WWC2: variants seen among roughly 807,000 people sequenced by gnomAD.
WWC2 encodes the protein protein WWC2.
A neutral mutation model predicts 138.5 loss-of-function variants in WWC2; 101 were observed. The observed-to-expected ratio is 0.73, with a 90% CI of 0.62 to 0.86. WWC2 has a LOEUF of 0.86. Ranked by LOEUF, WWC2 falls within the 40% of genes least tolerant of loss-of-function variation. The pLI, the probability that WWC2 is intolerant of heterozygous loss-of-function variation, is 0.00. For synonymous variants in WWC2, 558 were observed against 538.4 expected (o/e 1.04, Z -0.50); for missense variants, 1,420 against 1,419.4 (o/e 1.00, Z -0.01).
chr4:183,236,705 G>A lies in WWC2; in HGVS notation c.523-3478G>A, dbSNP rs536072419. On this transcript the variant is annotated intron_variant, in intron 4 of 22. Transcript: ENST00000403733. ...GTTTGCTTTAACAATTTGAAGTCAG[G>A]TAATGTGATTCAGTTTTGCTATTTT... is the stretch of plus-strand genomic sequence containing the variant. Among the ~76,000 whole-genome samples the A allele has an allele frequency of 3.9e-5, 6 of 152,260 alleles. No individual in the cohort carries two copies. The South Asian group carries it at 1.2e-3, about 32-fold the overall frequency.
intron 1 of WWC2, among the ~76,000 whole-genome samples, chr4:183,161,471 G>T (rs1434959479): frequency 6.6e-6 from 1 of 152,196 alleles, no homozygotes; most frequent in Non-Finnish European, 1.5e-5. Context: ...TGAGTAATGT[G>T]TGTGCAGTAT....
chr4:183,286,385 G>A (rs1350626169), intron 20 of WWC2, among the ~76,000 whole-genome samples: 2 of 152,172 alleles, frequency 1.3e-5, no homozygotes, highest in South Asian at 2.1e-4. Context: ...TGCATACCAT[G>A]TCCAGGTCTT....
intron 4 of WWC2, among the ~76,000 whole-genome samples, chr4:183,219,999 T>G (rs1008481067): frequency 6.6e-6 from 1 of 152,126 alleles, no homozygotes; most frequent in African/African-American, 2.4e-5. Context: ...TCTGGCTGGT[T>G]GTAGGGGAGG....
chr4:183,249,832 A>G, intron 7 of WWC2, 88 bp from the exon 8 acceptor site: 1 of 1,081,282 alleles, frequency 9.2e-7, no homozygotes, highest in Non-Finnish European at 1.4e-6. Context: ...TTAACTTTTC[A>G]ATTACACATA....
chr4:183,261,236 A>C lies in WWC2; in HGVS notation c.1613A>C (p.Glu538Ala). ...AATGHTPPLA[E>A]APKSVASLSS... ...ACAGGCCACACTCCTCCACTGGCTGAGGCCCCGAAGTCTGTGGCCTCCCTG... is the reference window on the plus strand; with the variant it reads ...ACAGGCCACACTCCTCCACTGGCTGCGGCCCCGAAGTCTGTGGCCTCCCTG... Residue 538 changes from glutamate to alanine, a missense_variant, in exon 11 of 23, where the codon GAG becomes GCG. Physicochemically the swap from Glu to Ala is moderately radical, Grantham distance 107. Coordinates refer to ENST00000403733, the MANE Select transcript of WWC2 (RefSeq NM_024949.6). The C allele has an allele frequency of 6.2e-7, 1 of 1,612,882 alleles. No individual in the cohort carries two copies. Among genetic ancestry groups the C allele is most frequent in the Non-Finnish European group, 8.5e-7 (1 of 1,179,498 alleles).
chr4:183,228,204 G>C (rs987985971), intron 4 of WWC2, among the ~76,000 whole-genome samples: 5 of 152,028 alleles, frequency 3.3e-5, no homozygotes, highest in Non-Finnish European at 7.4e-5. Flanking sequence ...TGTCAGAAGT[G>C]ATAGATTTTA....
At chr4:183,148,478 T>C (rs930220543) in intron 1 of WWC2, among the ~76,000 whole-genome samples, 3 of 152,242 alleles carry the variant, frequency 2.0e-5, no homozygotes, top group Non-Finnish European at 4.4e-5. Flanking sequence ...CTTGTTAAGC[T>C]ATCTTAATGT....
At chr4:183,172,556 G>GTTTTTTTTTTTTTTTTTTTTTTTTT (rs61599876) in intron 1 of WWC2, among the ~76,000 whole-genome samples, 1 of 113,050 alleles carries the variant, frequency 8.8e-6, no homozygotes, top group Non-Finnish European at 1.8e-5. Context: ...TATGTTTCTT[G>GTTTTTTTTTTTTTTTTTTTTTTTTT]TTTTTTTTTT....
intron 4 of WWC2, among the ~76,000 whole-genome samples, chr4:183,220,453 T>C (rs1448459147): frequency 2.0e-5 from 3 of 151,916 alleles, no homozygotes; most frequent in African/African-American, 7.3e-5. Context: ...CTTTATTAAC[T>C]TGTGGGCCAT....
intron 1 of WWC2, among the ~76,000 whole-genome samples, chr4:183,191,479 A>G (rs1291953041): frequency 6.6e-6 from 1 of 152,132 alleles, no homozygotes; most frequent in Non-Finnish European, 1.5e-5. Flanking sequence ...CTTAAAAAAT[A>G]CATTAGGAAG....
chr4:183,266,471 G>A (rs529732226), intron 14 of WWC2, among the ~76,000 whole-genome samples: 2 of 152,300 alleles, frequency 1.3e-5, no homozygotes, highest in East Asian at 3.9e-4. Context: ...TCCCAACAAA[G>A]TGATGACATA....
intron 8 of WWC2, among the ~76,000 whole-genome samples, 180 bp downstream of exon 8, chr4:183,250,173 A>AC (rs1167012318): frequency 8.5e-4 from 37 of 43,568 alleles, no homozygotes; most frequent in Non-Finnish European, 1.4e-3. Context: ...CCCGCCCTCC[A>AC]CCCCCCAACC....
At chr4:183,229,942 A>C (rs1736192987) in intron 4 of WWC2, among the ~76,000 whole-genome samples, 1 of 152,002 alleles carries the variant, frequency 6.6e-6, no homozygotes, top group Non-Finnish European at 1.5e-5. Flanking sequence ...CTCCCACCTC[A>C]GCTTCCTGAG....
intron 16 of WWC2, among the ~76,000 whole-genome samples, chr4:183,277,354 C>T (rs1293187121): frequency 3.2e-4 from 49 of 151,548 alleles, no homozygotes; most frequent in Admixed American, 2.6e-3. Flanking sequence ...TGTATATGTG[C>T]CACATTTTCT....
chr4:183,099,746 G>A (rs1743103612), intron 1 of WWC2, 124 bp downstream of exon 1: 1 of 1,012,318 alleles, frequency 9.9e-7, no homozygotes, highest in Non-Finnish European at 1.2e-6. Flanking sequence ...CGGGAGGGAT[G>A]TGGGGCTGGC....
chr4:183,232,459 A>T (rs1736274687), intron 4 of WWC2, among the ~76,000 whole-genome samples: 1 of 152,068 alleles, frequency 6.6e-6, no homozygotes, highest in Admixed American at 6.6e-5. Flanking sequence ...AGCCCTGAAC[A>T]ACCACTGTTT....
rs146854458 is a variant in WWC2 at position 183,260,092 on chromosome 4, C to T, written c.1286+364C>T. On this transcript the variant is annotated intron_variant, in intron 10 of 22. Coordinates refer to ENST00000403733, the MANE Select transcript of WWC2 (RefSeq NM_024949.6). ...AAAATACTCACTCCTCACATTCACACACAAAGAGGAAACGTGAGCGAACCC... is the reference window on the plus strand; with the variant it reads ...AAAATACTCACTCCTCACATTCACATACAAAGAGGAAACGTGAGCGAACCC... 4.0e-3 allele frequency among the ~76,000 whole-genome samples: 605 copies of T among 152,298 alleles called. 3 individuals carry two copies. The highest frequency in any genetic ancestry group is 0.014 in the African/African-American group (580 of 41,566).
At chr4:183,192,394 G>T (rs1402911486) in intron 1 of WWC2, among the ~76,000 whole-genome samples, 2 of 152,164 alleles carry the variant, frequency 1.3e-5, no homozygotes, top group Admixed American at 1.3e-4. Flanking sequence ...GCTTCTGTCT[G>T]CTGAGCTGGT....
intron 14 of WWC2, among the ~76,000 whole-genome samples, chr4:183,268,436 A>G (rs1737578399): frequency 6.6e-6 from 1 of 152,110 alleles, no homozygotes; most frequent in Admixed American, 6.5e-5. Flanking sequence ...ATATTTTTGA[A>G]CCGTTGTTTC....
Sources: gnomAD v4.1 joint callset for allele counts (sites outside exome capture counted in the v4.1 genomes callset) on GRCh38, gnomAD v4.1.1 for gene constraint, MANE v1.5 for transcripts, NCBI Gene and HGNC (gene_info 2026-07-23, HGNC 2026-07-21) for gene names.